CAPG: variants seen among roughly 807,000 people sequenced by gnomAD.
CAPG encodes the protein capping actin protein, gelsolin like, also known as macrophage-capping protein.
A neutral mutation model predicts 44.6 loss-of-function variants in CAPG; 32 were observed. The observed-to-expected ratio is 0.72, with a 90% CI of 0.54 to 0.96. The LOEUF is 0.96. CAPG is among the 50% of genes least tolerant of loss of function. CAPG has a pLI of 0.00. For missense variants in CAPG, 412 were observed against 438.3 expected, an observed-to-expected ratio of 0.94 and a Z score of 0.54; for synonymous variants, 175 against 179.6, an observed-to-expected ratio of 0.97 and a Z score of 0.20.
At chr2:85,408,994 C>G (rs1298749999) in intron 1 of CAPG, among the ~76,000 whole-genome samples, 1 of 152,162 alleles carries the variant, frequency 6.6e-6, no homozygotes, top group Non-Finnish European at 1.5e-5. Context: ...CACCACCTTA[C>G]CAAACAGCCT....
chr2:85,411,372 G>C (rs889503889), upstream of CAPG, among the ~76,000 whole-genome samples: 1 of 152,206 alleles, frequency 6.6e-6, no homozygotes, highest in Admixed American at 6.5e-5. Flanking sequence ...CTAGACCCTA[G>C]AGCTTGTCTC....
chr2:85,399,773 C>A (rs1686795388), intron 5 of CAPG, among the ~76,000 whole-genome samples: 1 of 141,716 alleles, frequency 7.1e-6, no homozygotes, highest in African/African-American at 2.7e-5. Context: ...TGGAGTTTCG[C>A]TCTTGTTGCC....
At position 85,399,196 on chromosome 2, in the gene CAPG, T is replaced by A. The variant is rs1217801196; in HGVS notation, c.606A>T (p.Arg202=). 6.2e-7 allele frequency: 1 copy of A among 1,614,132 alleles called. No homozygotes were observed. Among genetic ancestry groups the A allele is most frequent in the African/African-American group, 1.3e-5 (1 of 74,954 alleles). Residue 202 remains arginine, a synonymous_variant, in exon 6 of 10, where the codon CGA becomes CGT. Transcript: ENST00000263867. ...DLALAIRDSE[R]QGKAQVEIVT... Reference sequence around the variant, plus strand: ...CAATCTCCACCTGGGCCTTGCCCTGTCGCTCACTGTCCCGGATGGCCAGGG... The same window carrying A: ...CAATCTCCACCTGGGCCTTGCCCTGACGCTCACTGTCCCGGATGGCCAGGG...
Position 85,395,083 on chromosome 2 carries a change from T to C in CAPG, c.982-125A>G. On this transcript the variant is annotated intron_variant, in intron 9 of 9. Coordinates refer to ENST00000263867, the MANE Select transcript of CAPG (RefSeq NM_001747.4). This position sits in a 1 kb window ranked among gnomAD's most constrained non-coding sequence, Gnocchi z 4.3. ...GCGCCTGGCCTGAATCCATGTGCAG[T>C]CCAGGCTGGGAAAGCTCCCCTGGAT... 1.4e-6 allele frequency: 1 copy of C among 701,340 alleles called. No individual in the cohort carries two copies. Among genetic ancestry groups the C allele is most frequent in the Non-Finnish European group, 2.6e-6 (1 of 389,474 alleles). The allele number at this position is 701,340 out of a possible 1,614,324, so 43.4% of individuals were successfully genotyped here.
upstream of CAPG, chr2:85,413,868 C>T (rs1437068048): frequency 1.3e-5 from 2 of 152,410 alleles, no homozygotes; most frequent in South Asian, 4.1e-4. Flanking sequence ...TAAGAGAGGA[C>T]CCCGGCTGTG....
upstream of CAPG, chr2:85,410,666 G>GACC (rs1687379252): frequency 6.6e-6 from 1 of 152,484 alleles, no homozygotes; most frequent in South Asian, 2.1e-4. Flanking sequence ...CTGAGTCTGA[G>GACC]ACCAGCAAGG....
chr2:85,413,700 C>T (rs1391483273), upstream of CAPG: 1 of 152,282 alleles, frequency 6.6e-6, no homozygotes, highest in Non-Finnish European at 1.5e-5. Flanking sequence ...CGCTCTAGAA[C>T]TAGTTTTTTT....
upstream of CAPG, among the ~76,000 whole-genome samples, chr2:85,414,583 C>A (rs1215333973): frequency 6.9e-6 from 1 of 144,828 alleles, no homozygotes; most frequent in Non-Finnish European, 1.5e-5. Flanking sequence ...GCATATGCCA[C>A]CACGCCCAGC....
At chr2:85,398,827 G>A in intron 6 of CAPG, 45 bp from the exon 7 acceptor site, 1 of 1,431,412 alleles carries the variant, frequency 7.0e-7, no homozygotes, top group Non-Finnish European at 9.6e-7. Flanking sequence ...CCCCTGCCCT[G>A]GAACTTCCCA....
intron 6 of CAPG, 118 bp from the exon 7 acceptor site, chr2:85,398,900 A>C: frequency 1.2e-6 from 1 of 860,780 alleles, no homozygotes; most frequent in Non-Finnish European, 1.8e-6. Flanking sequence ...TAGGGCACCC[A>C]GCAGAGGTGA....
chr2:85,418,470 A>C (rs62162753), upstream of CAPG: 51,231 of 152,176 alleles, frequency 0.34, 9,351 homozygotes, highest in Non-Finnish European at 0.42. Context: ...TAGACCCCTA[A>C]GAACTACAAA....
upstream of CAPG, among the ~76,000 whole-genome samples, chr2:85,412,469 C>T (rs555252759): frequency 5.9e-5 from 9 of 152,150 alleles, no homozygotes; most frequent in South Asian, 1.2e-3. Context: ...GCCGAGATTG[C>T]GCCATTGCAC....
intron 4 of CAPG, 64 bp from the exon 5 acceptor site, chr2:85,401,393 C>T: frequency 6.3e-7 from 1 of 1,583,570 alleles, no homozygotes; most frequent in South Asian, 1.1e-5. Flanking sequence ...GCACCCCATC[C>T]CACTGGAAGA....
upstream of CAPG, chr2:85,418,916 T>A (rs1376361065): frequency 6.6e-6 from 1 of 150,792 alleles, no homozygotes; most frequent in African/African-American, 2.4e-5. Flanking sequence ...AGCCCCGCCC[T>A]GCCCTCCCTA....
intron 1 of CAPG, among the ~76,000 whole-genome samples, chr2:85,407,572 G>A (rs1212807746): frequency 6.6e-6 from 1 of 151,696 alleles, no homozygotes; most frequent in Non-Finnish European, 1.5e-5. Context: ...AATTAGCTGG[G>A]CGTGGTGGCG....
At chr2:85,401,066 G>A (rs868045753) in intron 5 of CAPG, 99 bp downstream of exon 5, 16 of 1,189,950 alleles carry the variant, frequency 1.3e-5, no homozygotes, top group South Asian at 5.7e-5. Context: ...ATGGGTTTAC[G>A]GCTTCTCAGC....
chr2:85,409,522 G>C (rs1687321754), intron 1 of CAPG, among the ~76,000 whole-genome samples: 1 of 151,992 alleles, frequency 6.6e-6, no homozygotes, highest in Non-Finnish European at 1.5e-5. Context: ...CCCCCAATAG[G>C]TCTCTTCCCT....
Position 85,398,396 on chromosome 2 carries a change from C to A in CAPG, c.760-244G>T, listed in dbSNP as rs150336529. ...AACCCATTTGGAAATTAGGTGGATT[C>A]CAAATTACAAAGAAATGCACAGAAT... On this transcript the variant is annotated intron_variant, in intron 7 of 9. Transcript: ENST00000263867. The A allele has an allele frequency of 3.5e-4, 208 of 586,034 alleles. No homozygotes were observed. In the African/African-American group the frequency reaches 3.6e-3, roughly 10 times the overall value. The allele number at this position is 586,034 out of a possible 1,614,324, so 36.3% of individuals were successfully genotyped here. A position where few individuals can be genotyped will look rare whatever the true frequency, so the allele number is the denominator to read the frequency against.
intron 1 of CAPG, among the ~76,000 whole-genome samples, chr2:85,404,264 C>T (rs1687042532): frequency 6.8e-6 from 1 of 147,918 alleles, no homozygotes; most frequent in South Asian, 2.1e-4. Context: ...AATAAAGCCG[C>T]TCACAACGCA....
Sources: allele counts gnomAD v4.1 joint callset (sites outside exome capture counted in the v4.1 genomes callset), GRCh38; gene constraint gnomAD v4.1.1; non-coding constraint Gnocchi (gnomAD v3.1); transcripts MANE v1.5; gene names NCBI Gene and HGNC (gene_info 2026-07-23, HGNC 2026-07-21).